Variants in SLC25A27 observed in about 807,000 individuals in gnomAD.
The protein encoded by SLC25A27 is solute carrier family 25 member 27, also known as mitochondrial uncoupling protein 4.
In SLC25A27, 35 loss-of-function variants were observed where a neutral mutation model predicts 49.1. That is an observed-to-expected ratio of 0.71 (90% confidence interval 0.54 to 0.95). The LOEUF is 0.95. Among genes scored for constraint, SLC25A27 ranks in the 40% least tolerant of loss-of-function variants. The pLI is 0.00. For missense variants in SLC25A27, 339 were observed against 397.1 expected (o/e 0.85, Z 1.24); for synonymous variants, 144 against 136.9 (o/e 1.05, Z -0.36).
At chr6:46,673,786 T>C (rs897132856) in intron 8 of SLC25A27, among the ~76,000 whole-genome samples, 6 of 152,168 alleles carry the variant, frequency 3.9e-5, no homozygotes, top group African/African-American at 1.4e-4. Context: ...AGCACTTGCT[T>C]AAGCCCGGGA....
At chr6:46,667,316 C>T (rs1220255492) in intron 5 of SLC25A27, among the ~76,000 whole-genome samples, 2 of 152,144 alleles carry the variant, frequency 1.3e-5, no homozygotes, top group Admixed American at 6.5e-5. Flanking sequence ...TAATTCAAGT[C>T]GTCATCATCG....
At chr6:46,658,411 G>T in intron 2 of SLC25A27, 4 of 340,974 alleles carry the variant, frequency 1.2e-5, no homozygotes, top group South Asian at 4.5e-5. Flanking sequence ...GTTGTTCATT[G>T]TGTTGTTTTA....
chr6:46,660,255 T>TAG (rs1204203616), intron 3 of SLC25A27, among the ~76,000 whole-genome samples: 4 of 151,172 alleles, frequency 2.6e-5, no homozygotes, highest in East Asian at 3.9e-4. Flanking sequence ...TGTGTGTGTA[T>TAG]AGAGAGAGAG....
chr6:46,670,158 C>T lies in SLC25A27; in HGVS notation c.728C>T (p.Ser243Phe). ...LSSLCSGLVA[S>F]ILGTPADVIK... ...AGTTTATGTTCTGGACTGGTAGCTT[C>T]TATTCTGGGAACACCAGCCGATGTC... is the stretch of plus-strand genomic sequence containing the variant. Residue 243 changes from serine to phenylalanine, a missense_variant, in exon 7 of 9, where the codon TCT becomes TTT. Ser to Phe is a radical substitution (Grantham distance 155). Transcript: ENST00000371347. 1.2e-6 allele frequency: 2 copies of T among 1,612,338 alleles called. No homozygotes were observed. Among genetic ancestry groups the T allele is most frequent in the South Asian group, 1.1e-5 (1 of 90,776 alleles).
In SLC25A27 at chr6:46,671,155, G is replaced by A. The variant is rs907882276; in HGVS notation, c.827G>A (p.Cys276Tyr). 1.9e-6 allele frequency: 3 copies of A among 1,600,628 alleles called. No homozygotes were observed. ...CTTTTGTATAAATCATCGACTGACT[G>A]CTTGATTCAGGCTGTTCAAGGTGAA... ...RGLLYKSSTD[C>Y]LIQAVQGEGF... Residue 276 changes from cysteine to tyrosine, a missense_variant, in exon 8 of 9, where the codon TGC (cysteine) becomes TAC (tyrosine). Cys to Tyr is a radical substitution (Grantham distance 194). Coordinates refer to ENST00000371347, the MANE Select transcript of SLC25A27 (RefSeq NM_004277.5).
Position 46,678,030 on chromosome 6 carries a change from T to TTTTATATATATATATA in SLC25A27, c.*1577_*1578insTTATATATATATATAT, listed in dbSNP as rs1763860534. 1 of 100,626 alleles carries TTTTATATATATATATA rather than the reference T, an allele frequency of 9.9e-6. No homozygotes were observed. Among genetic ancestry groups the TTTTATATATATATATA allele is most frequent in the African/African-American group, 4.0e-5 (1 of 25,234 alleles). 6.2% of individuals were successfully genotyped at this position (100,626 alleles called of 1,614,324 possible). A position where few individuals can be genotyped will look rare whatever the true frequency, so the allele number is the denominator to read the frequency against. The stretch of plus-strand genomic sequence containing the variant: ...CAATATGTAATTGCGTTGTAAAATA[T>TTTTATATATATATATA]TATATATATATATATATATATATAT... On this transcript the variant is annotated 3_prime_UTR_variant, in exon 9 of 9. Coordinates refer to ENST00000371347, the MANE Select transcript of SLC25A27 (RefSeq NM_004277.5).
chr6:46,664,094 G>T (rs1204878162), intron 4 of SLC25A27, among the ~76,000 whole-genome samples: 1 of 152,144 alleles, frequency 6.6e-6, no homozygotes, highest in African/African-American at 2.4e-5. Flanking sequence ...CTGAGTAAAA[G>T]CCACACAGGC....
chr6:46,674,485 C>T (rs1763687529), intron 8 of SLC25A27, among the ~76,000 whole-genome samples: 1 of 152,122 alleles, frequency 6.6e-6, no homozygotes, highest in Non-Finnish European at 1.5e-5. Flanking sequence ...ACATTCCTAG[C>T]AGTGGAGGGG....
intron 4 of SLC25A27, among the ~76,000 whole-genome samples, chr6:46,662,908 G>T (rs1355846690): frequency 6.6e-6 from 1 of 152,142 alleles, no homozygotes; most frequent in East Asian, 1.9e-4. Context: ...TGTCATGATG[G>T]TTAACATGCC....
chr6:46,664,813 T>C lies in SLC25A27; in HGVS notation c.546T>C (p.Ala182=). The C allele has an allele frequency of 1.9e-6, 3 of 1,610,038 alleles. No individual in the cohort carries two copies. Among genetic ancestry groups the C allele is most frequent in the Non-Finnish European group, 2.5e-6 (3 of 1,177,840 alleles). Residue 182 remains alanine, a synonymous_variant, in exon 5 of 9, where the codon GCT becomes GCC. Transcript: ENST00000371347. ...ATCATGCATTTGCAAAAATCTTAGC[T>C]GAAGGAGGAATACGAGGGCTTTGGG... ...GVHHAFAKIL[A]EGGIRGLWAG...
At chr6:46,672,841 T>C (rs551844935) in intron 8 of SLC25A27, among the ~76,000 whole-genome samples, 1 of 152,316 alleles carries the variant, frequency 6.6e-6, no homozygotes, top group Admixed American at 6.5e-5. Flanking sequence ...ATTTTCCACA[T>C]ATAGATGGTA....
In SLC25A27 at chr6:46,670,161, TTC is replaced by T; in HGVS notation, c.733_734del (p.Leu245GlyfsTer18). 1 of 1,612,834 alleles carries T rather than the reference TTC, an allele frequency of 6.2e-7. No homozygotes were observed. ...TTATGTTCTGGACTGGTAGCTTCTA[TTC>T]TGGGAACACCAGCCGATGTCATCAA... is the stretch of plus-strand genomic sequence containing the variant. On this transcript the variant is annotated frameshift_variant, in exon 7 of 9. Transcript: ENST00000371347. LOFTEE classifies it high-confidence loss of function.
chr6:46,664,239 G>A (rs867554729), intron 4 of SLC25A27, among the ~76,000 whole-genome samples: 1 of 152,172 alleles, frequency 6.6e-6, no homozygotes, highest in Non-Finnish European at 1.5e-5. Context: ...ATAGAGAAAT[G>A]AGCAAGATAA....
At chr6:46,667,945 A>G (rs1460974315) in intron 5 of SLC25A27, among the ~76,000 whole-genome samples, 1 of 152,116 alleles carries the variant, frequency 6.6e-6, no homozygotes, top group Non-Finnish European at 1.5e-5. Context: ...CCTCATTACA[A>G]CTTACTTCCC....
intron 7 of SLC25A27, chr6:46,670,462 A>G: frequency 2.3e-6 from 1 of 440,906 alleles, no homozygotes; most frequent in Non-Finnish European, 4.0e-6. Flanking sequence ...TTATGACTTT[A>G]TTGTTTTTAA....
intron 4 of SLC25A27, 128 bp downstream of exon 4, chr6:46,662,626 G>T: frequency 1.0e-6 from 1 of 969,716 alleles, no homozygotes; most frequent in Non-Finnish European, 1.6e-6. Flanking sequence ...TAATCTGGAA[G>T]TTCATTAAGA....
chr6:46,661,466 T>C (rs979854181), intron 3 of SLC25A27, among the ~76,000 whole-genome samples: 1 of 152,248 alleles, frequency 6.6e-6, no homozygotes, highest in African/African-American at 2.4e-5. Context: ...CTATATGACC[T>C]GATAGGGATA....
chr6:46,665,909 G>A (rs1019698972), intron 5 of SLC25A27, among the ~76,000 whole-genome samples: 9 of 152,134 alleles, frequency 5.9e-5, no homozygotes, highest in Admixed American at 2.6e-4. Flanking sequence ...CTTGTCACTG[G>A]CTTATCATCA....
intron 3 of SLC25A27, among the ~76,000 whole-genome samples, chr6:46,659,510 A>G (rs1763092034): frequency 1.3e-5 from 2 of 152,194 alleles, no homozygotes; most frequent in Non-Finnish European, 2.9e-5. Flanking sequence ...AACTGAAAAA[A>G]TCGGTTACTA....
Sources: allele counts gnomAD v4.1 joint callset (sites outside exome capture counted in the v4.1 genomes callset), GRCh38; gene constraint gnomAD v4.1.1; transcripts MANE v1.5; gene names NCBI Gene and HGNC (gene_info 2026-07-23, HGNC 2026-07-21).